Variants in GXYLT1 observed in about 807,000 individuals in gnomAD.
The protein encoded by GXYLT1 is glycosyltransferase 8 domain containing 3.
A neutral mutation model predicts 54.0 loss-of-function variants in GXYLT1; 29 were observed. The observed-to-expected ratio is 0.54, with a 90% confidence interval of 0.40 to 0.73. The LOEUF is 0.73. Among genes scored for constraint, GXYLT1 ranks in the 30% least tolerant of loss-of-function variants. GXYLT1 has a pLI of 0.00. For synonymous variants in GXYLT1, 176 were observed against 204.1 expected (o/e 0.86, Z 1.17); for missense variants, 490 against 553.4 (o/e 0.89, Z 1.15).
At chr12:42,088,647 G>A (rs2065311148) in intron 7 of GXYLT1, among the ~76,000 whole-genome samples, 1 of 152,060 alleles carries the variant, frequency 6.6e-6, no homozygotes, top group Admixed American at 6.6e-5. Flanking sequence ...TTTGGAAAAG[G>A]CTGTGGTAGT....
In GXYLT1 at chr12:42,087,700, T is replaced by C; in HGVS notation, c.*86A>G. ...ATTATTCTGGAGATGAGTAATTCCT[T>C]CCTGAATACTTCATCCAAGACGATT... On this transcript the variant is annotated 3_prime_UTR_variant, in exon 8 of 8. Coordinates refer to ENST00000398675, the MANE Select transcript of GXYLT1 (RefSeq NM_173601.2). 1 of 966,336 alleles carries C rather than the reference T, an allele frequency of 1.0e-6. No individual in the cohort carries two copies. The highest frequency in any genetic ancestry group is 1.5e-6 in the Non-Finnish European group (1 of 665,212). 59.9% of individuals were successfully genotyped at this position (966,336 alleles called of 1,614,324 possible).
Position 42,144,658 on chromosome 12 carries a change from C to T in GXYLT1, c.-12G>A, listed in dbSNP as rs565949512. 2 of 1,312,282 alleles carry T rather than the reference C, an allele frequency of 1.5e-6. No individual in the cohort carries two copies. Among genetic ancestry groups the T allele is most frequent in the Non-Finnish European group, 2.0e-6 (2 of 984,794 alleles). The allele number at this position is 1,312,282 out of a possible 1,614,324, so 81.3% of individuals were successfully genotyped here. ...AGGTAGCGCCGCATCGCCCCGGCCG[C>T]GCTCCTCCTTCGCCGCCGCCGCCGC... On this transcript the variant is annotated 5_prime_UTR_variant, in exon 1 of 8. Transcript: ENST00000398675.
intron 4 of GXYLT1, among the ~76,000 whole-genome samples, chr12:42,106,985 G>A (rs190654464): frequency 2.0e-4 from 30 of 151,948 alleles, no homozygotes; most frequent in African/African-American, 6.8e-4. Flanking sequence ...GACCTCAAAT[G>A]ATTCACCCAT....
At position 42,083,894 on chromosome 12, in the gene GXYLT1, A is replaced by T. The variant is rs1425148174; in HGVS notation, c.*3892T>A. The stretch of plus-strand genomic sequence containing the variant: ...GAATATGTAGTTAGTCTTGCAGTCT[A>T]ACACTTGGGATGGCTAAAACAATAA... On this transcript the variant is annotated 3_prime_UTR_variant, in exon 8 of 8. Transcript: ENST00000398675. 1 of 152,166 alleles carries T rather than the reference A, an allele frequency of 6.6e-6. No homozygotes were observed. The highest frequency in any genetic ancestry group is 2.4e-5 in the African/African-American group (1 of 41,448). 9.4% of individuals were successfully genotyped at this position (152,166 alleles called of 1,614,324 possible).
At chr12:42,103,988 C>A (rs561660700) in intron 5 of GXYLT1, among the ~76,000 whole-genome samples, 2 of 152,112 alleles carry the variant, frequency 1.3e-5, no homozygotes, top group Non-Finnish European at 2.9e-5. Context: ...GTGGCTCACG[C>A]CTATAAACCC....
intron 1 of GXYLT1, among the ~76,000 whole-genome samples, chr12:42,137,762 G>GAAAGAA (rs1555143240): frequency 7.5e-5 from 8 of 107,180 alleles, no homozygotes; most frequent in Non-Finnish European, 1.2e-4. Context: ...ATCTCAAATT[G>GAAAGAA]AAAAAAAAAA....
rs547317637 is a variant in GXYLT1 at position 42,144,640 on chromosome 12, G to C, written c.7C>G (p.Arg3Gly). 5.5e-6 allele frequency: 8 copies of C among 1,449,384 alleles called. No individual in the cohort carries two copies. The highest frequency in any genetic ancestry group is 7.3e-6 in the Non-Finnish European group (8 of 1,097,236). The allele number at this position is 1,449,384 out of a possible 1,614,324, so 89.8% of individuals were successfully genotyped here. A position where few individuals can be genotyped will look rare whatever the true frequency, so the allele number is the denominator to read the frequency against. The change falls in exon 1 of 8, where the codon CGC (arginine) becomes GGC (glycine). Residue 3 changes from arginine to glycine, a missense_variant. Coordinates refer to ENST00000398675, the MANE Select transcript of GXYLT1 (RefSeq NM_173601.2). ...CACAGCACCACGACGCGCAGGTAGC[G>C]CCGCATCGCCCCGGCCGCGCTCCTC... MRRYLRVVVLCVA... is the reference protein window; with the variant it reads MRGYLRVVVLCVA...
At chr12:42,094,536 G>A (rs1298556892) in intron 7 of GXYLT1, among the ~76,000 whole-genome samples, 1 of 151,024 alleles carries the variant, frequency 6.6e-6, no homozygotes. Context: ...GCACGTGCCT[G>A]TAGTACCAGC....
rs931879885 is a variant in GXYLT1 at position 42,084,710 on chromosome 12, G to A, written c.*3076C>T. The A allele has an allele frequency of 2.0e-4, 31 of 152,284 alleles. No homozygotes were observed. The highest frequency in any genetic ancestry group is 5.8e-4 in the African/African-American group (24 of 41,480). 9.4% of individuals were successfully genotyped at this position (152,284 alleles called of 1,614,324 possible). On this transcript the variant is annotated 3_prime_UTR_variant, in exon 8 of 8. Coordinates refer to ENST00000398675, the MANE Select transcript of GXYLT1 (RefSeq NM_173601.2). ...AATAACATCTGACTGGAGGCAAGATGAGAGAGCAATGAGTAAGCACTAATG... is the reference window on the plus strand; with the variant it reads ...AATAACATCTGACTGGAGGCAAGATAAGAGAGCAATGAGTAAGCACTAATG...
intron 2 of GXYLT1, among the ~76,000 whole-genome samples, chr12:42,127,559 T>A (rs568993869): frequency 6.6e-6 from 1 of 152,240 alleles, no homozygotes; most frequent in Non-Finnish European, 1.5e-5. Context: ...ACAAAAGGAA[T>A]GGTAAGCAGA....
At chr12:42,095,482 A>AGC (rs1203176673) in intron 7 of GXYLT1, among the ~76,000 whole-genome samples, 1 of 152,224 alleles carries the variant, frequency 6.6e-6, no homozygotes, top group African/African-American at 2.4e-5. Flanking sequence ...AAATATAAAA[A>AGC]GCAAAGAATG....
intron 2 of GXYLT1, 102 bp downstream of exon 2, chr12:42,129,657 A>G (rs997115689): frequency 8.5e-6 from 6 of 702,360 alleles, no homozygotes; most frequent in South Asian, 8.1e-5. Flanking sequence ...AATTATTTGT[A>G]TAATATCATA....
chr12:42,088,804 A>C (rs1490062182), intron 7 of GXYLT1, among the ~76,000 whole-genome samples: 1 of 147,776 alleles, frequency 6.8e-6, no homozygotes, highest in Non-Finnish European at 1.5e-5. Context: ...TGAAAAATGC[A>C]AAATCACAAA....
intron 1 of GXYLT1, among the ~76,000 whole-genome samples, chr12:42,134,847 T>C (rs1451667759): frequency 6.6e-6 from 1 of 152,234 alleles, no homozygotes; most frequent in Non-Finnish European, 1.5e-5. Context: ...ACCAACTCCA[T>C]ATGCTTCCCC....
In GXYLT1 at chr12:42,084,933, G is replaced by A. The variant is rs2065279904; in HGVS notation, c.*2853C>T. The A allele has an allele frequency of 6.6e-6, 1 of 152,186 alleles. No individual in the cohort carries two copies. Among genetic ancestry groups the A allele is most frequent in the African/African-American group, 2.4e-5 (1 of 41,444 alleles). 9.4% of individuals were successfully genotyped at this position (152,186 alleles called of 1,614,324 possible). A position where few individuals can be genotyped will look rare whatever the true frequency, so the allele number is the denominator to read the frequency against. ...TACTGTAGCCCAGAGATAGTTCTGA[G>A]GTCAGAATACATAGACTCAAATAAT... On this transcript the variant is annotated 3_prime_UTR_variant, in exon 8 of 8. Coordinates refer to ENST00000398675, the MANE Select transcript of GXYLT1 (RefSeq NM_173601.2).
chr12:42,099,337 A>C (rs1384297359), intron 5 of GXYLT1, among the ~76,000 whole-genome samples: 1 of 152,208 alleles, frequency 6.6e-6, no homozygotes, highest in East Asian at 1.9e-4. Context: ...CTCTCCTTTT[A>C]AAAGCAGCAA....
In GXYLT1 at chr12:42,082,308, T is replaced by C. The variant is rs1258956223; in HGVS notation, c.*5478A>G. ...AACCATTGGTTCAGCTCTCAAATAC[T>C]GATGACAATGCATGTGATGCATGCG... On this transcript the variant is annotated 3_prime_UTR_variant, in exon 8 of 8. Coordinates refer to ENST00000398675, the MANE Select transcript of GXYLT1 (RefSeq NM_173601.2). The C allele has an allele frequency of 6.6e-6, 1 of 152,224 alleles. No individual in the cohort carries two copies. The highest frequency in any genetic ancestry group is 1.5e-5 in the Non-Finnish European group (1 of 68,038). The allele number at this position is 152,224 out of a possible 1,614,324, so 9.4% of individuals were successfully genotyped here.
intron 1 of GXYLT1, among the ~76,000 whole-genome samples, chr12:42,135,459 T>C (rs2065614579): frequency 1.3e-5 from 2 of 152,188 alleles, no homozygotes; most frequent in African/African-American, 4.8e-5. Context: ...CCAATTAAAT[T>C]CCTCAGTATA....
intron 5 of GXYLT1, among the ~76,000 whole-genome samples, chr12:42,105,183 A>T (rs532240107): frequency 6.6e-6 from 1 of 152,364 alleles, no homozygotes; most frequent in Admixed American, 6.5e-5. Flanking sequence ...GAAACTGGTA[A>T]ATATTAGTAC....
Sources: gnomAD v4.1 joint callset for allele counts (sites outside exome capture counted in the v4.1 genomes callset) on GRCh38, gnomAD v4.1.1 for gene constraint, MANE v1.5 for transcripts, NCBI Gene and HGNC (gene_info 2026-07-23, HGNC 2026-07-21) for gene names.